IPCEF1: variants seen among roughly 807,000 people sequenced by gnomAD.
IPCEF1 encodes interaction protein for cytohesin exchange factors 1.
In IPCEF1, 31 loss-of-function variants were observed where a neutral mutation model predicts 50.9. The ratio of observed to expected loss-of-function variants is 0.61; its 90% CI spans 0.46 to 0.82. IPCEF1 has a LOEUF of 0.82. Ranked by LOEUF, IPCEF1 falls within the 40% of genes least tolerant of loss-of-function variation. The pLI is 0.00. For synonymous variants in IPCEF1, 181 were observed against 192.0 expected, an observed-to-expected ratio of 0.94 and a Z score of 0.47; for missense variants, 458 against 514.0, an observed-to-expected ratio of 0.89 and a Z score of 1.05.
At chr6:154,295,593 C>T (rs1268666423) in intron 1 of IPCEF1, among the ~76,000 whole-genome samples, 1 of 152,210 alleles carries the variant, frequency 6.6e-6, no homozygotes, top group Non-Finnish European at 1.5e-5. Flanking sequence ...GACGCCTGCA[C>T]AAGGATCTGC....
intron 3 of IPCEF1, 56 bp downstream of exon 3, chr6:154,265,856 A>G: frequency 8.1e-7 from 1 of 1,230,654 alleles, no homozygotes; most frequent in Non-Finnish European, 1.2e-6. Flanking sequence ...CTACTATTTT[A>G]CTCATTCATC....
At chr6:154,248,338 TAG>T (rs1429673595) in intron 3 of IPCEF1, among the ~76,000 whole-genome samples, 1 of 148,990 alleles carries the variant, frequency 6.7e-6, no homozygotes, top group African/African-American at 2.5e-5. Flanking sequence ...TGTGTGTGTG[TAG>T]AGAGAGAGAA....
chr6:154,295,811 T>C (rs1462022006), intron 1 of IPCEF1, among the ~76,000 whole-genome samples: 1 of 152,130 alleles, frequency 6.6e-6, no homozygotes, highest in Non-Finnish European at 1.5e-5. Context: ...TGTCCTGAAC[T>C]GTCTGGAGCT....
intron 1 of IPCEF1, among the ~76,000 whole-genome samples, chr6:154,340,640 C>G (rs1045529414): frequency 6.6e-6 from 1 of 151,330 alleles, no homozygotes; most frequent in African/African-American, 2.4e-5. Context: ...AATCCCAGCA[C>G]TTTGGGAGGC....
At chr6:154,340,753 C>T (rs964533906) in intron 1 of IPCEF1, among the ~76,000 whole-genome samples, 11 of 151,724 alleles carry the variant, frequency 7.3e-5, no homozygotes, top group African/African-American at 2.7e-4. Context: ...GGCGTGGTGG[C>T]ACATACCTGT....
chr6:154,247,103 G>C (rs1781116040), intron 4 of IPCEF1: 1 of 391,570 alleles, frequency 2.6e-6, no homozygotes, highest in Non-Finnish European at 4.6e-6. Context: ...AAATTGTAAG[G>C]CTGGCGGGCA....
At chr6:154,353,293 C>CA (rs1321779330) in intron 1 of IPCEF1, among the ~76,000 whole-genome samples, 1 of 127,858 alleles carries the variant, frequency 7.8e-6, no homozygotes, top group Non-Finnish European at 1.6e-5. Flanking sequence ...TTTCCTTTTC[C>CA]TTTTTTTTTT....
rs563753140 is a variant in IPCEF1, at chr6:154,332,645, G to A, written c.-62+24027C>T. Among the ~76,000 whole-genome samples the A allele has an allele frequency of 2.0e-5, 3 of 152,252 alleles. No homozygotes were observed. The South Asian group carries it at 6.2e-4, about 32-fold the overall frequency. On this transcript the variant is annotated intron_variant, in intron 1 of 11. Coordinates refer to ENST00000367220, the MANE Select transcript of IPCEF1 (RefSeq NM_001130700.2). ...CTGCTTGAATTCCTACATCTCCTAT[G>A]CTAATTAAGAGTGCTCTCTCCCTGT...
At chr6:154,342,925 C>A (rs145534558) in intron 1 of IPCEF1, among the ~76,000 whole-genome samples, 91 of 152,290 alleles carry the variant, frequency 6.0e-4, no homozygotes, top group Non-Finnish European at 1.0e-3. Context: ...CCAGCCTGGG[C>A]ATACGGCAAG....
At chr6:154,317,275 C>A (rs1004162201) in intron 1 of IPCEF1, among the ~76,000 whole-genome samples, 1 of 151,936 alleles carries the variant, frequency 6.6e-6, no homozygotes, top group Non-Finnish European at 1.5e-5. Context: ...ATGGGCCAGG[C>A]ACAATGGCTC....
At chr6:154,165,815 T>A (rs1198162882) in intron 11 of IPCEF1, among the ~76,000 whole-genome samples, 1 of 152,244 alleles carries the variant, frequency 6.6e-6, no homozygotes, top group Non-Finnish European at 1.5e-5. Flanking sequence ...TCTCACTGTG[T>A]TGCTTGCTCT....
intron 7 of IPCEF1, 108 bp downstream of exon 7, chr6:154,221,149 C>A: frequency 2.6e-6 from 2 of 775,952 alleles, no homozygotes; most frequent in Non-Finnish European, 2.1e-6. Context: ...CTTAAAGTAA[C>A]AGAAATAAAA....
At chr6:154,261,238 G>A (rs553351283) in intron 3 of IPCEF1, among the ~76,000 whole-genome samples, 2 of 151,922 alleles carry the variant, frequency 1.3e-5, no homozygotes, top group African/African-American at 4.8e-5. Context: ...GTTGCCCAGG[G>A]CTGGTCTCGA....
chr6:154,159,732 G>T lies in IPCEF1; in HGVS notation c.*96C>A. 1 of 906,892 alleles carries T rather than the reference G, an allele frequency of 1.1e-6. No individual in the cohort carries two copies. Among genetic ancestry groups the T allele is most frequent in the Non-Finnish European group, 1.7e-6 (1 of 580,840 alleles). 56.2% of individuals were successfully genotyped at this position (906,892 alleles called of 1,614,324 possible). ...GGGAAGCTGATGCTTGAAGGACTGG[G>T]TTTCAGTTTTCCTTTTAAGGAAAAA... On this transcript the variant is annotated 3_prime_UTR_variant, in exon 12 of 12. Transcript: ENST00000367220.
At chr6:154,334,826 A>C (rs1783755121) in intron 1 of IPCEF1, among the ~76,000 whole-genome samples, 1 of 152,204 alleles carries the variant, frequency 6.6e-6, no homozygotes, top group African/African-American at 2.4e-5. Context: ...TGGAGCTCAG[A>C]AACTGATACC....
chr6:154,180,648 G>C (rs1251704805), intron 10 of IPCEF1, among the ~76,000 whole-genome samples: 1 of 152,040 alleles, frequency 6.6e-6, no homozygotes, highest in South Asian at 2.1e-4. Flanking sequence ...CTCTTTAAAT[G>C]CTATATTTTC....
At chr6:154,172,547 A>T (rs1799960001) in intron 10 of IPCEF1, among the ~76,000 whole-genome samples, 1 of 152,234 alleles carries the variant, frequency 6.6e-6, no homozygotes, top group Non-Finnish European at 1.5e-5. Context: ...CTAGCACAGC[A>T]GTCTGAGATT....
intron 10 of IPCEF1, among the ~76,000 whole-genome samples, chr6:154,194,355 C>G (rs1442085081): frequency 6.6e-6 from 1 of 152,212 alleles, no homozygotes; most frequent in Non-Finnish European, 1.5e-5. Context: ...GCTGAGATCA[C>G]ACCATTGCAC....
intron 2 of IPCEF1, among the ~76,000 whole-genome samples, chr6:154,276,703 C>T (rs970863947): frequency 1.3e-5 from 2 of 152,214 alleles, no homozygotes; most frequent in East Asian, 3.8e-4. Flanking sequence ...TAATCTTTGC[C>T]TTTTCAAATT....
Sources: allele counts gnomAD v4.1 joint callset (sites outside exome capture counted in the v4.1 genomes callset), GRCh38; gene constraint gnomAD v4.1.1; transcripts MANE v1.5; gene names NCBI Gene and HGNC (gene_info 2026-07-23, HGNC 2026-07-21).